The following MALSU1 variants were observed in gnomAD, a reference collection of about 807,000 sequenced individuals.
The protein encoded by MALSU1 is mitochondrial assembly of ribosomal large subunit protein 1.
Under a neutral mutation model 22.1 loss-of-function variants are expected in MALSU1, and 22 were observed. The observed-to-expected ratio is 1.00, with a 90% CI of 0.71 to 1.42. The LOEUF (loss-of-function observed/expected upper bound fraction) is 1.42, where lower values mean the gene tolerates loss of function less well. MALSU1 is among the 40% of genes most tolerant of loss of function. The pLI is 0.00. For missense variants in MALSU1, 379 were observed against 308.3 expected (o/e 1.23, Z -1.72); for synonymous variants, 153 against 118.5 (o/e 1.29, Z -1.89).
chr7:23,308,505 G>C (rs1467457020), intron 3 of MALSU1, among the ~76,000 whole-genome samples: 1 of 152,190 alleles, frequency 6.6e-6, no homozygotes, highest in Non-Finnish European at 1.5e-5. Context: ...TATTCTGCTT[G>C]TAAGCTAATA....
chr7:23,305,089 T>TTTTTGTAGGCG (rs1225253592), intron 2 of MALSU1, among the ~76,000 whole-genome samples: 1 of 152,210 alleles, frequency 6.6e-6, no homozygotes, highest in Non-Finnish European at 1.5e-5. Flanking sequence ...TTTGAGTTAG[T>TTTTTGTAGGCG]TTTTGTAGGC....
rs915555999 is a variant in MALSU1, at chr7:23,299,473, C to T, written c.121C>T (p.Arg41Trp). Reference protein sequence around the residue: ...EPGLRLLAVQRLPVGAAFCRA... With the variant: ...EPGLRLLAVQWLPVGAAFCRA... Reference sequence around the variant, plus strand: ...CGGGCTTCGGCTGCTGGCCGTGCAGCGGCTTCCCGTAGGAGCAGCGTTCTG... The same window carrying T: ...CGGGCTTCGGCTGCTGGCCGTGCAGTGGCTTCCCGTAGGAGCAGCGTTCTG... Residue 41 changes from arginine (R) to tryptophan (W), a missense_variant, in exon 1 of 4, where the codon CGG becomes TGG. Physicochemically the swap from Arg to Trp is moderately radical, Grantham distance 101. Transcript: ENST00000466681. 2 of 1,609,830 alleles carry T rather than the reference C, an allele frequency of 1.2e-6. No homozygotes were observed. Among genetic ancestry groups the T allele is most frequent in the Non-Finnish European group, 1.7e-6 (2 of 1,179,582 alleles).
At chr7:23,300,407 G>T (rs924013695) in intron 1 of MALSU1, among the ~76,000 whole-genome samples, 3 of 152,222 alleles carry the variant, frequency 2.0e-5, no homozygotes, top group Non-Finnish European at 4.4e-5. Flanking sequence ...CTGCCTAAGA[G>T]CCCTTCCAGC....
chr7:23,300,440 G>A (rs538603126), intron 1 of MALSU1, among the ~76,000 whole-genome samples: 34 of 152,264 alleles, frequency 2.2e-4, no homozygotes. Flanking sequence ...GACCCGTTAT[G>A]ACTGAGATTC....
chr7:23,310,794 T>C lies in MALSU1; in HGVS notation c.*1251T>C, dbSNP rs564715794. On this transcript the variant is annotated 3_prime_UTR_variant, in exon 4 of 4. Transcript: ENST00000466681. The stretch of plus-strand genomic sequence containing the variant: ...GAAATAAGAATGAGGCAGTGATTTT[T>C]TTTTTAAAGGGTTATATATATGTCC... 3.9e-5 allele frequency: 6 copies of C among 152,174 alleles called. No homozygotes were observed. The highest frequency in any genetic ancestry group is 7.3e-5 in the Non-Finnish European group (5 of 68,032). The allele number at this position is 152,174 out of a possible 1,614,324, so 9.4% of individuals were successfully genotyped here. A position where few individuals can be genotyped will look rare whatever the true frequency, so the allele number is the denominator to read the frequency against.
At chr7:23,305,762 T>C (rs915366206) in intron 2 of MALSU1, among the ~76,000 whole-genome samples, 31 of 152,218 alleles carry the variant, frequency 2.0e-4, no homozygotes, top group African/African-American at 7.5e-4. Context: ...GTAGACTGCA[T>C]TGGGTAGTAT....
chr7:23,307,786 A>AAC (rs1491432991), intron 2 of MALSU1, 82 bp from the exon 3 acceptor site: 160 of 848,264 alleles, frequency 1.9e-4, no homozygotes, highest in African/African-American at 1.1e-3. Flanking sequence ...AAACAAACAA[A>AAC]CAAACAAAAA....
At chr7:23,304,784 G>A (rs1783703067) in intron 2 of MALSU1, among the ~76,000 whole-genome samples, 1 of 152,170 alleles carries the variant, frequency 6.6e-6, no homozygotes, top group Non-Finnish European at 1.5e-5. Flanking sequence ...CAGGTTGTTT[G>A]TTGTTTTGTT....
At chr7:23,309,311 CA>C in intron 3 of MALSU1, 44 bp from the exon 4 acceptor site, 1 of 1,506,670 alleles carries the variant, frequency 6.6e-7, no homozygotes, top group Non-Finnish European at 9.0e-7. Context: ...AGAATAAAAG[CA>C]AATGAACTAT....
chr7:23,305,821 T>C (rs948246779), intron 2 of MALSU1, among the ~76,000 whole-genome samples: 2 of 152,234 alleles, frequency 1.3e-5, no homozygotes, highest in African/African-American at 2.4e-5. Context: ...GAAGTATCTT[T>C]CCATTTACTG....
In MALSU1 at chr7:23,299,364, C is replaced by T. The variant is rs61734320; in HGVS notation, c.12C>T (p.Gly4=). The T allele has an allele frequency of 7.9e-5, 124 of 1,576,606 alleles. No homozygotes were observed. In the East Asian group the frequency reaches 2.6e-3, roughly 33 times the overall value. ...GCAAGGCTGCTGCTATGGGGCCGGG[C>T]GGCCGTGTGGCGCGGCTGCTCGCCC... MGP[G]GRVARLLAPL... Residue 4 remains glycine, a synonymous_variant, in exon 1 of 4, where the codon GGC becomes GGT. Coordinates refer to ENST00000466681, the MANE Select transcript of MALSU1 (RefSeq NM_138446.2).
At chr7:23,303,183 A>T (rs564091810) in intron 2 of MALSU1, among the ~76,000 whole-genome samples, 14 of 152,354 alleles carry the variant, frequency 9.2e-5, no homozygotes, top group Admixed American at 2.0e-4. Flanking sequence ...CTCTGAACTC[A>T]TTAAACAATA....
chr7:23,309,294 T>G (rs997648551), intron 3 of MALSU1, 62 bp from the exon 4 acceptor site: 3 of 1,428,690 alleles, frequency 2.1e-6, no homozygotes, highest in Admixed American at 2.1e-5. Context: ...GTGTGTGTTG[T>G]AAGGTAAGAA....
chr7:23,309,399 C>G lies in MALSU1; in HGVS notation c.561C>G (p.Ile187Met), dbSNP rs1260443026. 6.2e-7 allele frequency: 1 copy of G among 1,613,140 alleles called. No homozygotes were observed. The highest frequency in any genetic ancestry group is 8.5e-7 in the Non-Finnish European group (1 of 1,179,682). ...TGATGCTTCCAGAAACCAGAGAAAT[C>G]TATGAATTAGAGAAATTATGGACCC... Reference protein sequence around the residue: ...IHLMLPETREIYELEKLWTLR... With the variant: ...IHLMLPETREMYELEKLWTLR... The change falls in exon 4 of 4, where the codon ATC becomes ATG. Residue 187 changes from isoleucine (I) to methionine (M), a missense_variant. Transcript: ENST00000466681.
chr7:23,302,339 C>T (rs978759874), intron 2 of MALSU1, among the ~76,000 whole-genome samples: 4 of 152,180 alleles, frequency 2.6e-5, no homozygotes, highest in Non-Finnish European at 5.9e-5. Flanking sequence ...GGCCATGATA[C>T]CTTTCTTAGT....
Position 23,309,270 on chromosome 7 carries a change from C to T in MALSU1, c.518-86C>T, listed in dbSNP as rs1783769815. The T allele has an allele frequency of 2.4e-6, 3 of 1,247,924 alleles. No homozygotes were observed. The Admixed American group carries it at 6.9e-5, about 29-fold the overall frequency. The allele number at this position is 1,247,924 out of a possible 1,614,324, so 77.3% of individuals were successfully genotyped here. ...CACACTTGAGAACCACTGCTTTATT[C>T]CTAGAGTTAGCCAGTGTGTGTTGTA... On this transcript the variant is annotated intron_variant, in intron 3 of 3. Coordinates refer to ENST00000466681, the MANE Select transcript of MALSU1 (RefSeq NM_138446.2).
intron 2 of MALSU1, among the ~76,000 whole-genome samples, chr7:23,306,391 C>T (rs955743551): frequency 6.7e-6 from 1 of 150,070 alleles, no homozygotes. Context: ...GTATTGTCTT[C>T]AGAGATAATT....
intron 2 of MALSU1, among the ~76,000 whole-genome samples, chr7:23,303,813 G>GAAAAA (rs57849044): frequency 9.0e-6 from 1 of 110,780 alleles, no homozygotes; most frequent in Non-Finnish European, 1.9e-5. Flanking sequence ...TGTCTCAAAA[G>GAAAAA]AAAAAAAAAA....
At chr7:23,300,592 C>CATAT (rs1486829386) in intron 1 of MALSU1, among the ~76,000 whole-genome samples, 1 of 152,178 alleles carries the variant, frequency 6.6e-6, no homozygotes, top group Non-Finnish European at 1.5e-5. Flanking sequence ...GTTCTACTTG[C>CATAT]ATATGGTTAA....
Sources: gnomAD v4.1 joint callset for allele counts (sites outside exome capture counted in the v4.1 genomes callset) on GRCh38, gnomAD v4.1.1 for gene constraint, MANE v1.5 for transcripts, NCBI Gene and HGNC (gene_info 2026-07-23, HGNC 2026-07-21) for gene names.